The following CD300LG variants were observed in gnomAD, a reference collection of about 807,000 sequenced individuals.
CD300LG encodes the protein CD300 molecule like family member g, also known as CMRF35-like molecule 9.
Under a neutral mutation model 31.5 loss-of-function variants are expected in CD300LG, and 29 were observed. The ratio of observed to expected loss-of-function variants is 0.92; its 90% CI spans 0.68 to 1.25. The LOEUF (loss-of-function observed/expected upper bound fraction) is 1.25, where lower values mean the gene tolerates loss of function less well. Ranked by LOEUF, CD300LG falls within the 50% of genes most tolerant of loss-of-function variation. CD300LG has a pLI of 0.00. For synonymous variants in CD300LG, 175 were observed against 177.2 expected (o/e 0.99, Z 0.10); for missense variants, 396 against 417.6 (o/e 0.95, Z 0.45).
chr17:43,849,197 T>C (rs1244502139), intron 2 of CD300LG: 4 of 534,186 alleles, frequency 7.5e-6, no homozygotes, highest in Non-Finnish European at 1.3e-5. Context: ...GAGATTTCCA[T>C]AGGCTGGGTA....
At chr17:43,847,375 C>CCG in intron 1 of CD300LG, 116 bp downstream of exon 1, 1 of 832,996 alleles carries the variant, frequency 1.2e-6, no homozygotes. Context: ...CTCCTCAGCC[C>CCG]TAGGGGAGCG....
At chr17:43,850,670 G>T (rs1443807612) in intron 2 of CD300LG, among the ~76,000 whole-genome samples, 1 of 151,754 alleles carries the variant, frequency 6.6e-6, no homozygotes, top group African/African-American at 2.4e-5. Flanking sequence ...TTAAGATGTG[G>T]TTTCGCCATA....
intron 2 of CD300LG, chr17:43,849,173 A>C (rs562632466): frequency 3.6e-6 from 2 of 548,084 alleles, no homozygotes; most frequent in Non-Finnish European, 6.4e-6. Context: ...CTTTCTGCCC[A>C]GGTGTGCTGG....
Position 43,853,932 on chromosome 17 carries a change from C to T in CD300LG, c.607C>T (p.Pro203Ser), listed in dbSNP as rs761689655. Residue 203 changes from proline to serine, a missense_variant, in exon 4 of 7, where the codon CCT becomes TCT. Physicochemically the swap from Pro to Ser is moderately conservative, Grantham distance 74 (BLOSUM62 -1). Transcript: ENST00000317310. ...ERTSQYTGTS[P>S]HPATSPPAGS... ...GACTTCTCAGTACACAGGAACCTCT[C>T]CTCACCCAGCGACCTCTCCTCCTGC... 5.6e-6 allele frequency: 9 copies of T among 1,614,054 alleles called. No individual in the cohort carries two copies. The South Asian group carries it at 8.8e-5, about 16-fold the overall frequency.
At chr17:43,850,371 A>C (rs2046312688) in intron 2 of CD300LG, among the ~76,000 whole-genome samples, 1 of 152,236 alleles carries the variant, frequency 6.6e-6, no homozygotes, top group Non-Finnish European at 1.5e-5. Context: ...AGTATGGTGA[A>C]CCATGAGAAG....
intron 2 of CD300LG, among the ~76,000 whole-genome samples, chr17:43,851,746 C>T: frequency 6.9e-6 from 1 of 145,858 alleles, no homozygotes; most frequent in East Asian, 2.0e-4. Flanking sequence ...TTAGTAGAGA[C>T]AGGGTTTCAC....
chr17:43,856,635 G>A (rs1482565103), intron 5 of CD300LG, among the ~76,000 whole-genome samples: 1 of 152,190 alleles, frequency 6.6e-6, no homozygotes, highest in Non-Finnish European at 1.5e-5. Context: ...CTCTGAAGAA[G>A]CCAGGGTGGG....
At chr17:43,855,444 A>G (rs1314561202) in intron 5 of CD300LG, 125 bp downstream of exon 5, 1 of 536,948 alleles carries the variant, frequency 1.9e-6, no homozygotes, top group East Asian at 3.2e-5. Flanking sequence ...CTGAGATATG[A>G]GCATCAGGAG....
At position 43,853,901 on chromosome 17, in the gene CD300LG, C is replaced by T. The variant is rs941815064; in HGVS notation, c.576C>T (p.His192=). 3.7e-6 allele frequency: 6 copies of T among 1,614,100 alleles called. No homozygotes were observed. Among genetic ancestry groups the T allele is most frequent in the Admixed American group, 1.7e-5 (1 of 60,022 alleles). The change falls in exon 4 of 7, where the codon CAC becomes CAT. Residue 192 remains histidine (H), a synonymous_variant. Coordinates refer to ENST00000317310, the MANE Select transcript of CD300LG (RefSeq NM_145273.4). ...TGCCAGGGACTTCCCAGTACGGGCACGAAAGGACTTCTCAGTACACAGGAA... is the reference window on the plus strand; with the variant it reads ...TGCCAGGGACTTCCCAGTACGGGCATGAAAGGACTTCTCAGTACACAGGAA... The part of the protein sequence containing the change: ...PPLPGTSQYG[H]ERTSQYTGTS...
Position 43,852,966 on chromosome 17 carries a change from G to C in CD300LG, c.434G>C (p.Arg145Pro), listed in dbSNP as rs117542469. 6.2e-7 allele frequency: 1 copy of C among 1,612,084 alleles called. No individual in the cohort carries two copies. The highest frequency in any genetic ancestry group is 8.5e-7 in the Non-Finnish European group (1 of 1,179,154). ...SPTFQPLATT[R>P]LQPKAKAQQT... ...ACCTTCCAGCCTCTGGCTACAACAC[G>C]CCTGCAGCCCAAGGCAAAAGCTCAG... is the stretch of plus-strand genomic sequence containing the variant. Residue 145 changes from arginine to proline, a missense_variant, in exon 3 of 7, where the codon CGC (arginine) becomes CCC (proline). Arg to Pro is a moderately radical substitution (Grantham distance 103). Transcript: ENST00000317310.
chr17:43,857,848 C>T (rs982974929), intron 6 of CD300LG: 2 of 1,537,236 alleles, frequency 1.3e-6, no homozygotes, highest in Non-Finnish European at 8.7e-7. Flanking sequence ...GGTGTGGCTG[C>T]TCTGGGACCC....
At chr17:43,861,336 G>GCA (rs2046649398) in intron 6 of CD300LG, 1 of 963,714 alleles carries the variant, frequency 1.0e-6, no homozygotes, top group South Asian at 4.8e-5. Context: ...GGAAGTGGAA[G>GCA]GAGGCCTTTT....
At chr17:43,856,546 C>T (rs2143388051) in intron 5 of CD300LG, among the ~76,000 whole-genome samples, 1 of 152,326 alleles carries the variant, frequency 6.6e-6, no homozygotes. Flanking sequence ...TGGAGGCGGC[C>T]ACAGGGGAAT....
chr17:43,857,755 C>G (rs1339046324), intron 6 of CD300LG: 2 of 1,533,986 alleles, frequency 1.3e-6, no homozygotes, highest in East Asian at 2.4e-5. Flanking sequence ...GAGAACAGGA[C>G]CCAGATTTCT....
intron 2 of CD300LG, among the ~76,000 whole-genome samples, chr17:43,851,587 G>C (rs2046356595): frequency 6.6e-6 from 1 of 151,910 alleles, no homozygotes; most frequent in Non-Finnish European, 1.5e-5. Flanking sequence ...GTAGCTCCTG[G>C]GGAGTTGGTT....
chr17:43,857,384 C>G (rs528455910), intron 6 of CD300LG: 2 of 1,533,672 alleles, frequency 1.3e-6, no homozygotes, highest in Non-Finnish European at 1.7e-6. Flanking sequence ...CCTGATTTCC[C>G]GCCAGGTGCC....
chr17:43,857,914 CA>C, intron 6 of CD300LG: 1 of 1,535,852 alleles, frequency 6.5e-7, no homozygotes, highest in Non-Finnish European at 8.7e-7. Flanking sequence ...TCCCTGTGCC[CA>C]TTGTCTGGAG....
At chr17:43,857,263 A>T (rs1376192602) in intron 6 of CD300LG, 107 bp downstream of exon 6, 1 of 1,453,398 alleles carries the variant, frequency 6.9e-7, no homozygotes, top group Non-Finnish European at 9.5e-7. Flanking sequence ...TCCTTGCCTG[A>T]CCTAGAGGCA....
chr17:43,853,737 G>A (rs764772064), intron 3 of CD300LG, 70 bp from the exon 4 acceptor site: 14 of 1,305,750 alleles, frequency 1.1e-5, no homozygotes, highest in Non-Finnish European at 1.3e-5. Flanking sequence ...AGGGGTCCAG[G>A]GTCAGAAGTC....
Sources: allele counts gnomAD v4.1 joint callset (sites outside exome capture counted in the v4.1 genomes callset), GRCh38; gene constraint gnomAD v4.1.1; transcripts MANE v1.5; gene names NCBI Gene and HGNC (gene_info 2026-07-23, HGNC 2026-07-21).